TIAM1: variants seen among roughly 807,000 people sequenced by gnomAD.
TIAM1 encodes rho guanine nucleotide exchange factor TIAM1.
In TIAM1, 65 loss-of-function variants were observed where a neutral mutation model predicts 163.5. That is an observed-to-expected ratio of 0.40 (90% CI 0.33 to 0.49). TIAM1 has a LOEUF of 0.49. TIAM1 is among the 20% of genes least tolerant of loss of function. The pLI is 0.77. For synonymous variants in TIAM1, 833 were observed against 810.1 expected (o/e 1.03, Z -0.48); for missense variants, 1,789 against 2,044.7 (o/e 0.87, Z 2.41).
intron 2 of TIAM1, among the ~76,000 whole-genome samples, chr21:31,410,332 G>A (rs1569306653): frequency 6.6e-6 from 1 of 151,920 alleles, no homozygotes; most frequent in Non-Finnish European, 1.5e-5. Context: ...GTATATGTAG[G>A]AGACTGCGAG....
chr21:31,301,609 G>C (rs532666639), intron 2 of TIAM1, among the ~76,000 whole-genome samples: 280 of 152,316 alleles, frequency 1.8e-3, no homozygotes, highest in Admixed American at 3.6e-3. Flanking sequence ...GGAGGCAGAA[G>C]AGAGTGGATC....
In TIAM1 at chr21:31,395,263, G is replaced by A. The variant is rs1271928599; in HGVS notation, c.-368-55841C>T. Among the ~76,000 whole-genome samples, 3 of 151,770 alleles carry A rather than the reference G, an allele frequency of 2.0e-5. No individual in the cohort carries two copies. The highest frequency in any genetic ancestry group is 7.3e-5 in the African/African-American group (3 of 41,328). On this transcript the variant is annotated intron_variant, in intron 2 of 28. Coordinates refer to the TIAM1 transcript ENST00000286827. This position sits in a 1 kb window ranked among gnomAD's most constrained non-coding sequence, Gnocchi z 7.5. ...AAAAAAAAAAAAGAGGAGGTGGGGG[G>A]AGAACAAAACTAGTAATTGGAGCTC...
rs781153297 is a variant in TIAM1, at chr21:31,181,756, C to CTTTTTTTTTTTTT, written c.2887+652_2887+664dup. Among the ~76,000 whole-genome samples, 7 of 41,344 alleles carry CTTTTTTTTTTTTT rather than the reference C, an allele frequency of 1.7e-4. 3 individuals carry two copies. The highest frequency in any genetic ancestry group is 5.1e-4 in the East Asian group (1 of 1,970). The allele number at this position is 41,344 out of a possible 152,430, so 27.1% of individuals were successfully genotyped here. A position where few individuals can be genotyped will look rare whatever the true frequency, so the allele number is the denominator to read the frequency against. ...CCCAGCACTTCTTCTTCTTCTTCTT[C>CTTTTTTTTTTTTT]TTTTTTTTTTTTTTTTTTTTTTTTT... On this transcript the variant is annotated intron_variant, in intron 15 of 27. Transcript: ENST00000541036.
At chr21:31,228,248 A>AGGATTTTTCCTTT (rs1555897915) in intron 6 of TIAM1, among the ~76,000 whole-genome samples, 6 of 133,908 alleles carry the variant, frequency 4.5e-5, no homozygotes, top group African/African-American at 2.0e-4. Context: ...AAAAAAAAAA[A>AGGATTTTTCCTTT]AAAAAAAAAA....
chr21:31,458,626 G>A (rs1476300044), intron 2 of TIAM1, among the ~76,000 whole-genome samples: 1 of 152,116 alleles, frequency 6.6e-6, no homozygotes, highest in South Asian at 2.1e-4. Context: ...CGCTGATTTA[G>A]ACAATGGGCA....
chr21:31,148,956 C>CTTTTTTTTT (rs869158026), intron 19 of TIAM1, among the ~76,000 whole-genome samples: 755 of 28,626 alleles, frequency 0.026, 19 homozygotes, highest in African/African-American at 0.068. Flanking sequence ...ACAAGTTTTT[C>CTTTTTTTTT]TTTTTCTTTT....
At chr21:31,126,130 T>C (rs138842628) in intron 26 of TIAM1, among the ~76,000 whole-genome samples, 10 of 152,308 alleles carry the variant, frequency 6.6e-5, no homozygotes, top group African/African-American at 2.4e-4. Flanking sequence ...TTGGTAAAGG[T>C]ACCTTCTTAC....
intron 2 of TIAM1, among the ~76,000 whole-genome samples, chr21:31,292,616 C>A (rs1201239047): frequency 6.6e-6 from 1 of 151,436 alleles, no homozygotes; most frequent in African/African-American, 2.4e-5. Context: ...GTGATCCACC[C>A]GCCTCAGCCT....
Position 31,310,161 on chromosome 21 carries a change from G to A in TIAM1, c.-189+29082C>T, listed in dbSNP as rs879901987. ...TGTGGGGGCCACACGCCTGAGTTCA[G>A]GCCAGTGAAATGTGGGTGCAAGGAA... On this transcript the variant is annotated intron_variant, in intron 2 of 27. Transcript: ENST00000541036. Among the ~76,000 whole-genome samples, 17 of 152,202 alleles carry A rather than the reference G, an allele frequency of 1.1e-4. 2 individuals carry two copies. The highest frequency in any genetic ancestry group is 5.9e-4 in the Admixed American group (9 of 15,276).
intron 1 of TIAM1, among the ~76,000 whole-genome samples, chr21:31,484,722 A>G (rs1253260011): frequency 6.6e-6 from 1 of 152,172 alleles, no homozygotes; most frequent in Non-Finnish European, 1.5e-5. Flanking sequence ...GACCCCAGCC[A>G]TGGCCATCTT....
Position 31,124,490 on chromosome 21 carries a change from G to A in TIAM1, c.4306+32C>T, listed in dbSNP as rs762044617. ...AGTTCTACTGCGGAGTGGGGGTGAC[G>A]GGAATCTTGAACGTCCGAATCCCCA... On this transcript the variant is annotated intron_variant, in intron 27 of 27. Transcript: ENST00000541036. 6.4e-5 allele frequency: 103 copies of A among 1,610,016 alleles called. No individual in the cohort carries two copies. The South Asian group carries it at 7.7e-4, about 12-fold the overall frequency.
At chr21:31,161,467 G>A (rs1018032537) in intron 16 of TIAM1, among the ~76,000 whole-genome samples, 2 of 152,092 alleles carry the variant, frequency 1.3e-5, no homozygotes, top group Admixed American at 6.6e-5. Flanking sequence ...CCTCCCCAGC[G>A]GCTGTGACAT....
chr21:31,420,043 C>T (rs1285425062), intron 2 of TIAM1, among the ~76,000 whole-genome samples: 2 of 152,166 alleles, frequency 1.3e-5, no homozygotes, highest in Admixed American at 6.5e-5. Flanking sequence ...AAGCAAAACT[C>T]CGTCTCAAAA....
intron 2 of TIAM1, among the ~76,000 whole-genome samples, chr21:31,285,735 C>T (rs1327478540): frequency 1.3e-5 from 2 of 152,158 alleles, no homozygotes; most frequent in African/African-American, 4.8e-5. Context: ...GTGGCCCACA[C>T]CTGTAATCTC....
intron 2 of TIAM1, among the ~76,000 whole-genome samples, chr21:31,301,863 A>AATAG (rs1234096952): frequency 6.7e-6 from 1 of 148,618 alleles, no homozygotes; most frequent in Non-Finnish European, 1.5e-5. Flanking sequence ...TAAATAGATA[A>AATAG]ATAAATAAAT....
At chr21:31,534,553 T>C (rs2048067433) in intron 1 of TIAM1, among the ~76,000 whole-genome samples, 2 of 152,134 alleles carry the variant, frequency 1.3e-5, no homozygotes, top group South Asian at 4.2e-4. Flanking sequence ...TGTGTATCTG[T>C]AATCCCAGCT....
chr21:31,222,668 T>C (rs1403872841), intron 8 of TIAM1, among the ~76,000 whole-genome samples: 1 of 120,104 alleles, frequency 8.3e-6, no homozygotes, highest in African/African-American at 3.4e-5. Context: ...TACATACATG[T>C]ACACATACAT....
intron 2 of TIAM1, among the ~76,000 whole-genome samples, chr21:31,378,671 G>A (rs915271431): frequency 2.6e-5 from 4 of 151,882 alleles, no homozygotes; most frequent in Admixed American, 6.6e-5. Context: ...ACTCATACTC[G>A]CTGCCACACA....
At chr21:31,243,304 A>T (rs1182296308) in intron 6 of TIAM1, among the ~76,000 whole-genome samples, 2 of 149,448 alleles carry the variant, frequency 1.3e-5, no homozygotes. Flanking sequence ...TCAACAGCAG[A>T]TTTGAGTTGG....
Sources: gnomAD v4.1 joint callset for allele counts (sites outside exome capture counted in the v4.1 genomes callset) on GRCh38, gnomAD v4.1.1 for gene constraint, Gnocchi (gnomAD v3.1) non-coding constraint, MANE v1.5 for transcripts, NCBI Gene and HGNC (gene_info 2026-07-23, HGNC 2026-07-21) for gene names.